Variants in PDE3A observed in about 807,000 individuals in gnomAD.
PDE3A encodes phosphodiesterase 3A, also known as cGMP-inhibited 3',5'-cyclic phosphodiesterase 3A.
A neutral mutation model predicts 98.3 loss-of-function variants in PDE3A; 43 were observed. The ratio of observed to expected loss-of-function variants is 0.44; its 90% CI spans 0.34 to 0.56. The LOEUF (loss-of-function observed/expected upper bound fraction) is 0.56. Ranked by LOEUF, PDE3A falls within the 20% of genes least tolerant of loss-of-function variation. The pLI is 0.01. For synonymous variants in PDE3A, 663 were observed against 567.9 expected (o/e 1.17, Z -2.38); for missense variants, 1,427 against 1,440.7 (o/e 0.99, Z 0.15).
chr12:20,539,125 C>T (rs770041818), intron 1 of PDE3A, among the ~76,000 whole-genome samples: 35 of 152,062 alleles, frequency 2.3e-4, no homozygotes, highest in Non-Finnish European at 4.6e-4. Context: ...GGTTGAGAAT[C>T]CCTTATCTAA....
Position 20,556,668 on chromosome 12 carries a change from G to A in PDE3A, c.969G>A (p.Gly323=). 6.3e-7 allele frequency: 1 copy of A among 1,592,062 alleles called. No individual in the cohort carries two copies. Among genetic ancestry groups the A allele is most frequent in the Non-Finnish European group, 8.6e-7 (1 of 1,160,228 alleles). Reference sequence around the variant, plus strand: ...AATTTTCATCTTTCCAGCTCATGGGGCATTCAGAATGGGACCACAAACGAG... The same window carrying A: ...AATTTTCATCTTTCCAGCTCATGGGACATTCAGAATGGGACCACAAACGAG... ...LPCIPREQLM[G]HSEWDHKRGP... is the part of the protein sequence containing the mutation. The change falls in exon 2 of 16, where the codon GGG becomes GGA. Residue 323 remains glycine (G), a synonymous_variant. Coordinates refer to ENST00000359062, the MANE Select transcript of PDE3A (RefSeq NM_000921.5).
rs1565477979 is a variant in PDE3A, at chr12:20,681,665, C to T, written c.*1394C>T. The T allele has an allele frequency of 6.6e-6, 1 of 152,132 alleles. No homozygotes were observed. The highest frequency in any genetic ancestry group is 2.4e-5 in the African/African-American group (1 of 41,440). The allele number at this position is 152,132 out of a possible 1,614,324, so 9.4% of individuals were successfully genotyped here. On this transcript the variant is annotated 3_prime_UTR_variant, in exon 16 of 16. Coordinates refer to ENST00000359062, the MANE Select transcript of PDE3A (RefSeq NM_000921.5). ...TGGCCCATTGTCAGTCATGCTTCTT[C>T]TGGCCGGGGAGATTATAGAGAGATT...
intron 1 of PDE3A, among the ~76,000 whole-genome samples, chr12:20,430,276 G>T (rs1031187990): frequency 9.2e-5 from 14 of 152,052 alleles, no homozygotes; most frequent in African/African-American, 2.9e-4. Context: ...CTTTGAGAAA[G>T]AGTACACCTT....
intron 1 of PDE3A, among the ~76,000 whole-genome samples, chr12:20,541,532 T>C (rs1941911258): frequency 6.6e-6 from 1 of 152,106 alleles, no homozygotes; most frequent in Admixed American, 6.6e-5. Flanking sequence ...GAGAAGTACC[T>C]GGTTAATTAT....
chr12:20,486,719 C>T (rs1042177134), intron 1 of PDE3A, among the ~76,000 whole-genome samples: 2 of 152,148 alleles, frequency 1.3e-5, no homozygotes, highest in Non-Finnish European at 2.9e-5. Flanking sequence ...CTGCAACCCC[C>T]GCCTTCCAGG....
chr12:20,384,185 T>A (rs1361055570), intron 1 of PDE3A, among the ~76,000 whole-genome samples: 1 of 19,924 alleles, frequency 5.0e-5, no homozygotes, highest in African/African-American at 1.9e-4. Context: ...TGGGTTGACA[T>A]TTTTTTTTTT....
chr12:20,372,476 T>A (rs1266939090), intron 1 of PDE3A, among the ~76,000 whole-genome samples: 2 of 152,076 alleles, frequency 1.3e-5, no homozygotes, highest in Non-Finnish European at 2.9e-5. Flanking sequence ...TTGCTGAGCA[T>A]AATTGTGGGG....
intron 1 of PDE3A, among the ~76,000 whole-genome samples, chr12:20,379,202 G>A (rs1401275918): frequency 6.6e-6 from 1 of 151,938 alleles, no homozygotes; most frequent in Admixed American, 6.6e-5. Context: ...CAGTTATACA[G>A]CTATGTGGAA....
intron 2 of PDE3A, among the ~76,000 whole-genome samples, chr12:20,579,742 A>C (rs1181946158): frequency 6.6e-6 from 1 of 151,934 alleles, no homozygotes; most frequent in Non-Finnish European, 1.5e-5. Flanking sequence ...ATAACTTTCT[A>C]CTCTGCAATC....
chr12:20,397,837 T>A (rs1458249552), intron 1 of PDE3A, among the ~76,000 whole-genome samples: 1 of 152,096 alleles, frequency 6.6e-6, no homozygotes, highest in East Asian at 1.9e-4. Context: ...TCTTAGATGC[T>A]AACAAAACTA....
Position 20,634,998 on chromosome 12 carries a change from A to T in PDE3A, c.1943A>T (p.Glu648Val), listed in dbSNP as rs371999647. Reference protein sequence around the residue: ...QNEDETECLREPLRKASACST... With the variant: ...QNEDETECLRVPLRKASACST... ...GAAGATGAAACAGAGTGCCTGAGAG[A>T]GCCTCTGAGGAAAGCATCGGCTTGC... is the stretch of plus-strand genomic sequence containing the variant. The change falls in exon 8 of 16, where the codon GAG becomes GTG. Residue 648 changes from glutamate (E) to valine (V), a missense_variant. By Grantham distance (121) the Glu-to-Val change is moderately radical (BLOSUM62 -2). Around this residue, in one of 3 missense-constraint regions of PDE3A, gnomAD observed 1,012 missense variants for 886.5 expected, o/e 1.14. Coordinates refer to ENST00000359062, the MANE Select transcript of PDE3A (RefSeq NM_000921.5). 53 of 1,612,908 alleles carry T rather than the reference A, an allele frequency of 3.3e-5. No individual in the cohort carries two copies. Among genetic ancestry groups the T allele is most frequent in the Middle Eastern group, 3.3e-4 (2 of 6,054 alleles).
chr12:20,525,405 A>C (rs1006095813), intron 1 of PDE3A, among the ~76,000 whole-genome samples: 1 of 151,338 alleles, frequency 6.6e-6, no homozygotes, highest in Non-Finnish European at 1.5e-5. Flanking sequence ...AATTGATTTT[A>C]AGAATAATAA....
In PDE3A at chr12:20,682,248, T is replaced by C. The variant is rs1399061163; in HGVS notation, c.*1977T>C. 2.0e-5 allele frequency: 3 copies of C among 152,218 alleles called. No homozygotes were observed. Among genetic ancestry groups the C allele is most frequent in the Non-Finnish European group, 4.4e-5 (3 of 68,028 alleles). The allele number at this position is 152,218 out of a possible 1,614,324, so 9.4% of individuals were successfully genotyped here. On this transcript the variant is annotated 3_prime_UTR_variant, in exon 16 of 16. Transcript: ENST00000359062. The stretch of plus-strand genomic sequence containing the variant: ...CTGTTTGTTATGATTCTTCCTTGAG[T>C]ACTTATATACAGACCTGCTCATTAT...
intron 14 of PDE3A, among the ~76,000 whole-genome samples, chr12:20,651,173 A>C (rs1944906758): frequency 6.6e-6 from 1 of 152,212 alleles, no homozygotes; most frequent in South Asian, 2.1e-4. Context: ...TTCATTTGAC[A>C]TGATAACTAA....
intron 1 of PDE3A, among the ~76,000 whole-genome samples, chr12:20,502,304 C>T (rs1212493647): frequency 6.6e-6 from 1 of 152,100 alleles, no homozygotes. Context: ...AGGTATGAGT[C>T]TCACAATCAT....
intron 1 of PDE3A, among the ~76,000 whole-genome samples, chr12:20,430,334 A>G (rs7972206): frequency 0.8 from 121,352 of 152,114 alleles, 48,657 homozygotes; most frequent in East Asian, 0.99. Context: ...TCATCCAGAA[A>G]TATCTATCCC....
chr12:20,424,795 C>G (rs1027104416), intron 1 of PDE3A, among the ~76,000 whole-genome samples: 1 of 152,114 alleles, frequency 6.6e-6, no homozygotes, highest in Non-Finnish European at 1.5e-5. Flanking sequence ...AGAACAATAT[C>G]AACAGTAGAA....
chr12:20,440,512 C>T (rs1290534077), intron 1 of PDE3A, among the ~76,000 whole-genome samples: 2 of 152,092 alleles, frequency 1.3e-5, no homozygotes. Context: ...AATGATCAAA[C>T]TACAGGGGCC....
intron 2 of PDE3A, among the ~76,000 whole-genome samples, chr12:20,583,010 A>T (rs1943107498): frequency 6.6e-6 from 1 of 152,112 alleles, no homozygotes; most frequent in African/African-American, 2.4e-5. Context: ...CTTATCCTTC[A>T]CTTTTTCCCT....
Sources: gnomAD v4.1 joint callset for allele counts (sites outside exome capture counted in the v4.1 genomes callset) on GRCh38, gnomAD v4.1.1 for gene constraint, gnomAD v4.1.1 regional missense constraint, MANE v1.5 for transcripts, NCBI Gene and HGNC (gene_info 2026-07-23, HGNC 2026-07-21) for gene names.